Variants in FSTL5 observed in about 807,000 individuals in gnomAD.
FSTL5 encodes follistatin like 5.
In FSTL5, 62 loss-of-function variants were observed where a neutral mutation model predicts 89.1. That is an observed-to-expected ratio of 0.70 (90% CI 0.57 to 0.86). The LOEUF (loss-of-function observed/expected upper bound fraction) is 0.86, where lower values mean the gene tolerates loss of function less well. Among genes scored for constraint, FSTL5 ranks in the 40% least tolerant of loss-of-function variants. FSTL5 has a pLI of 0.00. For missense variants in FSTL5, 1,057 were observed against 1,001.6 expected, an observed-to-expected ratio of 1.06 and a Z score of -0.75; for synonymous variants, 383 against 346.2, an observed-to-expected ratio of 1.11 and a Z score of -1.18.
At chr4:162,109,499 A>G (rs1277159103) in intron 2 of FSTL5, among the ~76,000 whole-genome samples, 1 of 152,100 alleles carries the variant, frequency 6.6e-6, no homozygotes, top group Non-Finnish European at 1.5e-5. Flanking sequence ...AGACATACAG[A>G]TATATAAAAT....
At chr4:162,133,281 A>G (rs1419572296) in intron 1 of FSTL5, among the ~76,000 whole-genome samples, 1 of 152,210 alleles carries the variant, frequency 6.6e-6, no homozygotes, top group Non-Finnish European at 1.5e-5. Context: ...GGAAGAACAA[A>G]AAGTCTAGTC....
intron 7 of FSTL5, among the ~76,000 whole-genome samples, chr4:161,639,157 A>T (rs1389302974): frequency 6.6e-6 from 1 of 152,180 alleles, no homozygotes; most frequent in African/African-American, 2.4e-5. Flanking sequence ...TTGTTAAGCA[A>T]TTAAACCACT....
chr4:161,478,344 G>A (rs1729369486), intron 13 of FSTL5, among the ~76,000 whole-genome samples: 1 of 152,056 alleles, frequency 6.6e-6, no homozygotes, highest in Non-Finnish European at 1.5e-5. Context: ...GATCTGTTGA[G>A]CTTTTGTTCA....
Position 161,779,780 on chromosome 4 carries a change from TATATATA to T in FSTL5, c.410-3713_410-3707del, listed in dbSNP as rs1741567821. 6.5e-4 allele frequency among the ~76,000 whole-genome samples: 28 copies of T among 42,762 alleles called. 2 individuals are homozygous for T. Among genetic ancestry groups the T allele is most frequent in the South Asian group, 9.6e-4 (1 of 1,042 alleles). 28.1% of individuals were successfully genotyped at this position (42,762 alleles called of 152,430 possible). A position where few individuals can be genotyped will look rare whatever the true frequency, so the allele number is the denominator to read the frequency against. ...AAAGTTATATATATATATATGTATA[TATATATA>T]TATATATATATATATATATATATGT... On this transcript the variant is annotated intron_variant, in intron 4 of 15. Coordinates refer to ENST00000306100, the MANE Select transcript of FSTL5 (RefSeq NM_020116.5).
intron 3 of FSTL5, among the ~76,000 whole-genome samples, chr4:161,933,450 T>G (rs1454538177): frequency 1.3e-5 from 2 of 152,102 alleles, no homozygotes; most frequent in Non-Finnish European, 2.9e-5. Context: ...AGCCTTATAT[T>G]TTAGTAATGA....
chr4:161,858,397 G>C (rs1351910277), intron 4 of FSTL5, among the ~76,000 whole-genome samples: 2 of 152,116 alleles, frequency 1.3e-5, no homozygotes, highest in Non-Finnish European at 2.9e-5. Context: ...TTAAATTCAT[G>C]AAAGGTATAC....
chr4:162,132,490 C>T lies in FSTL5; in HGVS notation c.-16-21078G>A, dbSNP rs189757429. ...ATCGGAACATCAGAAGGAACCAACTCCGGACATGCCGCCTTTAAGAACTGT... is the reference window on the plus strand; with the variant it reads ...ATCGGAACATCAGAAGGAACCAACTTCGGACATGCCGCCTTTAAGAACTGT... On this transcript the variant is annotated intron_variant, in intron 1 of 15. Transcript: ENST00000306100. Among the ~76,000 whole-genome samples, 62 of 152,184 alleles carry T rather than the reference C, an allele frequency of 4.1e-4. No individual in the cohort carries two copies. The East Asian group carries it at 0.01, about 25-fold the overall frequency.
At chr4:161,805,489 T>C (rs1766143164) in intron 4 of FSTL5, among the ~76,000 whole-genome samples, 3 of 152,064 alleles carry the variant, frequency 2.0e-5, no homozygotes, top group Non-Finnish European at 1.5e-5. Context: ...ATGCAAATGT[T>C]GCAGAGTTTG....
At chr4:161,430,251 A>ATCC (rs1732311728) in intron 15 of FSTL5, among the ~76,000 whole-genome samples, 1 of 152,092 alleles carries the variant, frequency 6.6e-6, no homozygotes, top group Non-Finnish European at 1.5e-5. Flanking sequence ...TCTAGGAAAT[A>ATCC]TCCTCAAAGG....
At chr4:161,840,392 A>C (rs1040833091) in intron 4 of FSTL5, among the ~76,000 whole-genome samples, 19 of 152,220 alleles carry the variant, frequency 1.2e-4, no homozygotes, top group African/African-American at 4.6e-4. Context: ...CTTTATCTAC[A>C]TATCTAAAAC....
At chr4:161,953,891 G>A (rs1734961774) in intron 3 of FSTL5, among the ~76,000 whole-genome samples, 1 of 151,510 alleles carries the variant, frequency 6.6e-6, no homozygotes, top group South Asian at 2.1e-4. Flanking sequence ...ATTTAAATTT[G>A]AAATTGGTTT....
intron 3 of FSTL5, among the ~76,000 whole-genome samples, chr4:162,028,909 CTG>C (rs1307641478): frequency 6.6e-6 from 1 of 152,170 alleles, no homozygotes; most frequent in Non-Finnish European, 1.5e-5. Flanking sequence ...ACCTCAGAAA[CTG>C]TGAGATTAAT....
intron 4 of FSTL5, among the ~76,000 whole-genome samples, chr4:161,833,409 G>A (rs1389613870): frequency 2.1e-5 from 3 of 140,974 alleles, no homozygotes; most frequent in African/African-American, 5.2e-5. Context: ...TCTTGGTGCA[G>A]AGCTGAGTTC....
At chr4:161,772,324 A>T (rs902468478) in intron 5 of FSTL5, among the ~76,000 whole-genome samples, 1 of 152,152 alleles carries the variant, frequency 6.6e-6, no homozygotes. Context: ...CACTGTTAAG[A>T]TCCTTTCTCT....
chr4:161,427,098 T>C (rs1313282597), intron 15 of FSTL5, among the ~76,000 whole-genome samples: 1 of 152,210 alleles, frequency 6.6e-6, no homozygotes, highest in African/African-American at 2.4e-5. Flanking sequence ...CACTAATGTT[T>C]CATAATAGAA....
Position 161,661,912 on chromosome 4 carries a change from A to G in FSTL5, c.728-5418T>C, listed in dbSNP as rs142998808. On this transcript the variant is annotated intron_variant, in intron 6 of 15. Coordinates refer to ENST00000306100, the MANE Select transcript of FSTL5 (RefSeq NM_020116.5). ...CAAATCATTTATTCTTAAAAGCATT[A>G]GAGAAATATCAGAATAATGAGGAAC... is the stretch of plus-strand genomic sequence containing the variant. 6.0e-3 allele frequency among the ~76,000 whole-genome samples: 914 copies of G among 152,332 alleles called. 9 individuals carry two copies. Among genetic ancestry groups the G allele is most frequent in the South Asian group, 0.045 (218 of 4,826 alleles).
chr4:161,870,828 T>A (rs1352284418), intron 4 of FSTL5, among the ~76,000 whole-genome samples: 1 of 152,148 alleles, frequency 6.6e-6, no homozygotes, highest in African/African-American at 2.4e-5. Flanking sequence ...GACAGCTGGA[T>A]ACTAATCAAG....
At chr4:161,954,876 A>C (rs536682056) in intron 3 of FSTL5, among the ~76,000 whole-genome samples, 1 of 151,814 alleles carries the variant, frequency 6.6e-6, no homozygotes, top group African/African-American at 2.4e-5. Flanking sequence ...TGTGAAAAAT[A>C]ATGTGGAATT....
chr4:161,785,954 T>C (rs1270839222), intron 4 of FSTL5, among the ~76,000 whole-genome samples: 1 of 152,260 alleles, frequency 6.6e-6, no homozygotes. Flanking sequence ...AAAGTGGTAA[T>C]GAAATACAGG....
Sources: gnomAD v4.1 joint callset for allele counts (sites outside exome capture counted in the v4.1 genomes callset) on GRCh38, gnomAD v4.1.1 for gene constraint, MANE v1.5 for transcripts, NCBI Gene and HGNC (gene_info 2026-07-23, HGNC 2026-07-21) for gene names.